COL26A1: variants seen among roughly 807,000 people sequenced by gnomAD.
The protein encoded by COL26A1 is collagen alpha-1(XXVI) chain.
Under a neutral mutation model 59.3 loss-of-function variants are expected in COL26A1, and 41 were observed. The observed-to-expected ratio is 0.69, with a 90% confidence interval of 0.54 to 0.90. COL26A1 has a LOEUF of 0.90. Ranked by LOEUF, COL26A1 falls within the 40% of genes least tolerant of loss-of-function variation. The pLI is 0.00. For synonymous variants in COL26A1, 266 were observed against 256.0 expected, an observed-to-expected ratio of 1.04 and a Z score of -0.37; for missense variants, 612 against 602.3, an observed-to-expected ratio of 1.02 and a Z score of -0.17.
intron 3 of COL26A1, among the ~76,000 whole-genome samples, chr7:101,484,511 C>T (rs1329738441): frequency 2.0e-5 from 3 of 151,846 alleles, no homozygotes; most frequent in African/African-American, 7.3e-5. Flanking sequence ...GCTGGGATTA[C>T]AGGTGCCCAC....
upstream of COL26A1, among the ~76,000 whole-genome samples, chr7:101,362,455 G>T (rs1790912171): frequency 6.6e-6 from 1 of 152,190 alleles, no homozygotes; most frequent in Non-Finnish European, 1.5e-5. Flanking sequence ...GGAACGCAGC[G>T]CTTTGATCCA....
chr7:101,556,437 G>A (rs565589421), intron 12 of COL26A1, among the ~76,000 whole-genome samples: 5 of 152,300 alleles, frequency 3.3e-5, no homozygotes, highest in African/African-American at 7.2e-5. Flanking sequence ...GTGAGTGAAC[G>A]AATGGCTGGT....
chr7:101,531,778 T>C (rs889069456), intron 3 of COL26A1, among the ~76,000 whole-genome samples: 1 of 149,874 alleles, frequency 6.7e-6, no homozygotes, highest in Admixed American at 6.6e-5. Flanking sequence ...TGTTTTTTGT[T>C]TTTTTTTTTA....
chr7:101,409,832 C>T (rs1792203360), intron 1 of COL26A1, among the ~76,000 whole-genome samples: 1 of 152,080 alleles, frequency 6.6e-6, no homozygotes, highest in Non-Finnish European at 1.5e-5. Context: ...GTGATCTCTG[C>T]TCACAGCAAC....
At chr7:101,420,646 C>T (rs1792492017) in intron 2 of COL26A1, among the ~76,000 whole-genome samples, 1 of 149,970 alleles carries the variant, frequency 6.7e-6, no homozygotes, top group African/African-American at 2.5e-5. Flanking sequence ...CCTGCCCCCA[C>T]CAGCCTTGCC....
In COL26A1 at chr7:101,540,018, G is replaced by A; in HGVS notation, c.573G>A (p.Val191=). 1.2e-6 allele frequency: 2 copies of A among 1,613,464 alleles called. No homozygotes were observed. The highest frequency in any genetic ancestry group is 2.2e-5 in the East Asian group (1 of 44,852). The part of the protein sequence containing the change: ...LPDAIPLAHP[V]PRQRRPTGPA... ...ACGCCATCCCTCTTGCTCACCCTGTGCCACGACAGAGAAGGCCCACGGGCC... is the reference window on the plus strand; with the variant it reads ...ACGCCATCCCTCTTGCTCACCCTGTACCACGACAGAGAAGGCCCACGGGCC... The change falls in exon 5 of 13, where the codon GTG becomes GTA. Residue 191 remains valine (V), a synonymous_variant. Transcript: ENST00000313669.
chr7:101,368,171 C>T (rs914159077), intron 1 of COL26A1, among the ~76,000 whole-genome samples: 4 of 152,166 alleles, frequency 2.6e-5, no homozygotes, highest in Middle Eastern at 3.2e-3. Flanking sequence ...CCTCCTCCTT[C>T]GTTTTCTATT....
intron 3 of COL26A1, among the ~76,000 whole-genome samples, chr7:101,489,590 ATTTTCTTTCT>A: frequency 6.7e-6 from 1 of 149,160 alleles, no homozygotes; most frequent in East Asian, 2.0e-4. Context: ...ACACTCGGCT[ATTTTCTTTCT>A]TTTTCTTTCT....
In COL26A1 at chr7:101,525,687, G is replaced by A. The variant is rs1274038251; in HGVS notation, c.386-7395G>A. On this transcript the variant is annotated intron_variant, in intron 3 of 12. Coordinates refer to ENST00000313669, the MANE Select transcript of COL26A1 (RefSeq NM_001278563.3). ...AATTTTTTGTATTTTTAGTAGAGAC[G>A]GGGTTTCACTGTGTTAGCCAGGATG... 5.3e-5 allele frequency among the ~76,000 whole-genome samples: 8 copies of A among 151,512 alleles called. No homozygotes were observed. The South Asian group carries it at 8.4e-4, about 16-fold the overall frequency.
At chr7:101,410,686 GGT>G (rs3072481) in intron 1 of COL26A1, among the ~76,000 whole-genome samples, 45,370 of 149,486 alleles carry the variant, frequency 0.3, 6,879 homozygotes, top group African/African-American at 0.36. Context: ...GGCTAATTTT[GGT>G]GTGTGTGTGT....
At chr7:101,461,290 C>T (rs966968972) in intron 3 of COL26A1, among the ~76,000 whole-genome samples, 1 of 114,140 alleles carries the variant, frequency 8.8e-6, no homozygotes, top group Non-Finnish European at 1.8e-5. Context: ...TGCACCTGCC[C>T]TCCTCCTCCT....
chr7:101,557,519 A>G lies in COL26A1; in HGVS notation c.1315A>G (p.Ser439Gly), dbSNP rs761021086. The change falls in exon 13 of 13, where the codon AGC (serine) becomes GGC (glycine). Residue 439 changes from serine (S) to glycine (G), a missense_variant. By Grantham distance (56) the Ser-to-Gly change is moderately conservative. Coordinates refer to ENST00000313669, the MANE Select transcript of COL26A1 (RefSeq NM_001278563.3). ...PGQKSVDQAS[S>G]RK ...ACAGAAGAGCGTGGACCAGGCCAGC[A>G]GCAGGAAGTGAGAGCCCACTGCTCC... 1 of 1,607,964 alleles carries G rather than the reference A, an allele frequency of 6.2e-7. No individual in the cohort carries two copies. Among genetic ancestry groups the G allele is most frequent in the East Asian group, 2.2e-5 (1 of 44,736 alleles).
intron 3 of COL26A1, among the ~76,000 whole-genome samples, chr7:101,465,034 CTTTTTTT>C (rs112899121): frequency 1.5e-4 from 19 of 130,064 alleles, no homozygotes; most frequent in South Asian, 2.5e-4. Flanking sequence ...TTCTTTCTTT[CTTTTTTT>C]TTTTTTTTTT....
chr7:101,494,535 C>T (rs1794539409), intron 3 of COL26A1, among the ~76,000 whole-genome samples: 1 of 152,226 alleles, frequency 6.6e-6, no homozygotes, highest in Non-Finnish European at 1.5e-5. Context: ...CAAAGTTCAC[C>T]CATCCCTGAT....
chr7:101,400,618 G>C (rs1164454507), intron 1 of COL26A1, among the ~76,000 whole-genome samples: 2 of 151,996 alleles, frequency 1.3e-5, no homozygotes, highest in East Asian at 1.9e-4. Context: ...GAGCGCAATG[G>C]TGCGGTCTCA....
At chr7:101,457,184 C>A (rs13228475) in intron 3 of COL26A1, among the ~76,000 whole-genome samples, 42,597 of 151,908 alleles carry the variant, frequency 0.28, 6,355 homozygotes, top group Middle Eastern at 0.34. Flanking sequence ...GGGTGCAAGG[C>A]TACAGGACTG....
chr7:101,405,706 G>T (rs1289427432), intron 1 of COL26A1, among the ~76,000 whole-genome samples: 1 of 152,174 alleles, frequency 6.6e-6, no homozygotes, highest in African/African-American at 2.4e-5. Context: ...CCCCTAGCCT[G>T]TTCCCTCTGG....
chr7:101,364,074 C>T (rs898334968), intron 1 of COL26A1, among the ~76,000 whole-genome samples: 9 of 152,096 alleles, frequency 5.9e-5, no homozygotes, highest in African/African-American at 1.9e-4. Flanking sequence ...GCCCGGGCGC[C>T]GGGACCCGCC....
At chr7:101,459,466 A>ATTTT (rs71286269) in intron 3 of COL26A1, among the ~76,000 whole-genome samples, 35,053 of 135,458 alleles carry the variant, frequency 0.26, 5,016 homozygotes, top group Middle Eastern at 0.33. Context: ...CACCCGGCTA[A>ATTTT]TTTTTTTTTT....
Sources: gnomAD v4.1 joint callset for allele counts (sites outside exome capture counted in the v4.1 genomes callset) on GRCh38, gnomAD v4.1.1 for gene constraint, MANE v1.5 for transcripts, NCBI Gene and HGNC (gene_info 2026-07-23, HGNC 2026-07-21) for gene names.